Variants in SLC15A2 observed in about 807,000 individuals in gnomAD.
The protein encoded by SLC15A2 is kidney H(+)/peptide cotransporter.
A neutral mutation model predicts 95.5 loss-of-function variants in SLC15A2; 77 were observed. That is an observed-to-expected ratio of 0.81 (90% CI 0.67 to 0.97). The LOEUF (loss-of-function observed/expected upper bound fraction) is 0.97, where lower values mean the gene tolerates loss of function less well. Among genes scored for constraint, SLC15A2 ranks in the 50% least tolerant of loss-of-function variants. The probability of loss-of-function intolerance (pLI) is 0.00; values close to 1 mark genes in which losing one functional copy is unlikely to be tolerated. For synonymous variants in SLC15A2, 306 were observed against 306.9 expected, an observed-to-expected ratio of 1.00 and a Z score of 0.03; for missense variants, 893 against 874.4, an observed-to-expected ratio of 1.02 and a Z score of -0.27.
chr3:121,917,013 G>C (rs1576679565), intron 7 of SLC15A2, among the ~76,000 whole-genome samples: 1 of 152,006 alleles, frequency 6.6e-6, no homozygotes, highest in Non-Finnish European at 1.5e-5. Context: ...GTAGAGACAG[G>C]GTTTCACCGT....
At chr3:121,922,950 C>T in intron 9 of SLC15A2, 89 bp downstream of exon 9, 1 of 1,539,002 alleles carries the variant, frequency 6.5e-7, no homozygotes, top group Non-Finnish European at 9.0e-7. Context: ...TCAACCTCCT[C>T]TCTACTGTTT....
intron 19 of SLC15A2, among the ~76,000 whole-genome samples, chr3:121,938,911 AGGCTGATAACCATAGCAGGCCTG>A (rs1710404628): frequency 6.6e-6 from 1 of 152,228 alleles, no homozygotes; most frequent in Non-Finnish European, 1.5e-5. Flanking sequence ...CTTTTCTACC[AGGCTGATAACCATAGCAGGCCTG>A]GGCATAGCCT....
chr3:121,944,109 A>G lies in SLC15A2; in HGVS notation c.*3102A>G, dbSNP rs145263025. The G allele has an allele frequency of 1.4e-4, 22 of 152,322 alleles. No homozygotes were observed. In the East Asian group the frequency reaches 4.2e-3, roughly 29 times the overall value. The allele number at this position is 152,322 out of a possible 1,614,324, so 9.4% of individuals were successfully genotyped here. ...TAATCTAATGGGACCACCATCACATATTTGGTCTGTCATTGACTGAAACTG... is the reference window on the plus strand; with the variant it reads ...TAATCTAATGGGACCACCATCACATGTTTGGTCTGTCATTGACTGAAACTG... On this transcript the variant is annotated 3_prime_UTR_variant, in exon 22 of 22. Transcript: ENST00000489711.
intron 7 of SLC15A2, among the ~76,000 whole-genome samples, chr3:121,917,581 G>A (rs1253888392): frequency 6.6e-6 from 1 of 152,040 alleles, no homozygotes; most frequent in African/African-American, 2.4e-5. Context: ...CCAACTATTT[G>A]GGAGGCTGAG....
chr3:121,901,717 T>A (rs573171112), intron 3 of SLC15A2, among the ~76,000 whole-genome samples: 1 of 152,258 alleles, frequency 6.6e-6, no homozygotes, highest in South Asian at 2.1e-4. Flanking sequence ...GACTCTTCCT[T>A]TACTGTCTTT....
rs1374748593 is a variant in SLC15A2, at chr3:121,931,636, C to T, written c.1665-3C>T. The T allele has an allele frequency of 6.2e-7, 1 of 1,600,680 alleles. No homozygotes were observed. Among genetic ancestry groups the T allele is most frequent in the Admixed American group, 1.7e-5 (1 of 59,946 alleles). On this transcript the variant is annotated splice_polypyrimidine_tract_variant and splice_region_variant and intron_variant, in intron 18 of 21. Coordinates refer to ENST00000489711, the MANE Select transcript of SLC15A2 (RefSeq NM_021082.4). ...ATTCTAACCTAAATTCATCCTGTTC[C>T]AGATACCCTGCAGTGCACTGTAGAA...
At chr3:121,919,125 T>C (rs573509686) in intron 7 of SLC15A2, among the ~76,000 whole-genome samples, 1 of 152,332 alleles carries the variant, frequency 6.6e-6, no homozygotes, top group African/African-American at 2.4e-5. Flanking sequence ...TCCCAAGGTC[T>C]GAGCCCCCAG....
intron 11 of SLC15A2, 148 bp from the exon 12 acceptor site, chr3:121,924,203 C>G (rs544018402): frequency 1.5e-6 from 1 of 674,362 alleles, no homozygotes; most frequent in South Asian, 1.8e-5. Context: ...ATAATCTTAA[C>G]AGCAAAATAG....
intron 13 of SLC15A2, among the ~76,000 whole-genome samples, chr3:121,927,058 G>A (rs559220601): frequency 2.8e-4 from 43 of 152,340 alleles, no homozygotes; most frequent in African/African-American, 8.7e-4. Flanking sequence ...TTTATTTGGG[G>A]AGTCAATAAG....
At chr3:121,932,807 T>A (rs1365511049) in intron 19 of SLC15A2, among the ~76,000 whole-genome samples, 2 of 152,116 alleles carry the variant, frequency 1.3e-5, no homozygotes, top group Non-Finnish European at 2.9e-5. Flanking sequence ...CATGTGCACA[T>A]TGTGCAGGTT....
At chr3:121,908,571 G>T (rs1227055964) in intron 3 of SLC15A2, among the ~76,000 whole-genome samples, 1 of 152,092 alleles carries the variant, frequency 6.6e-6, no homozygotes, top group Non-Finnish European at 1.5e-5. Context: ...CTCTGAGTGG[G>T]TCTGTATAGT....
chr3:121,931,883 A>T (rs1710240127), intron 19 of SLC15A2, 148 bp downstream of exon 19: 2 of 584,306 alleles, frequency 3.4e-6, no homozygotes, highest in East Asian at 5.6e-5. Flanking sequence ...CAGGTTCTAC[A>T]GTGACTTTAA....
chr3:121,905,014 C>A (rs1459104287), intron 3 of SLC15A2, among the ~76,000 whole-genome samples: 1 of 152,168 alleles, frequency 6.6e-6, no homozygotes, highest in African/African-American at 2.4e-5. Context: ...TTAATTATTG[C>A]CTCAGTTTCA....
chr3:121,911,594 T>C lies in SLC15A2; in HGVS notation c.356T>C (p.Leu119Ser), dbSNP rs771590932. ...AACAGGACAATCATCTATCTCTCCTTGGTGTATGTGCTTGGCCATGTGATC... is the reference window on the plus strand; with the variant it reads ...AACAGGACAATCATCTATCTCTCCTCGGTGTATGTGCTTGGCCATGTGATC... ...GKFKTIIYLS[L>S]VYVLGHVIKS... The change falls in exon 4 of 22, where the codon TTG becomes TCG. Residue 119 changes from leucine (L) to serine (S), a missense_variant. Leu to Ser is a moderately radical substitution (Grantham distance 145). Transcript: ENST00000489711. 1.2e-6 allele frequency: 2 copies of C among 1,613,904 alleles called. No individual in the cohort carries two copies. The highest frequency in any genetic ancestry group is 1.7e-6 in the Non-Finnish European group (2 of 1,179,782).
Position 121,897,513 on chromosome 3 carries a change from T to A in SLC15A2, c.319T>A (p.Trp107Arg). 6.2e-7 allele frequency: 1 copy of A among 1,613,992 alleles called. No individual in the cohort carries two copies. The highest frequency in any genetic ancestry group is 1.1e-5 in the South Asian group (1 of 91,066). Reference protein sequence around the residue: ...PILGAAIADSWLGKFKTIIYL... With the variant: ...PILGAAIADSRLGKFKTIIYL... ...CCTGGGAGCAGCCATTGCTGACTCG[T>A]GGTTGGGAAAATTCAAGTAAGGAAG... is the stretch of plus-strand genomic sequence containing the variant. Residue 107 changes from tryptophan (W) to arginine (R), a missense_variant, in exon 3 of 22, where the codon TGG (tryptophan) becomes AGG (arginine). Coordinates refer to ENST00000489711, the MANE Select transcript of SLC15A2 (RefSeq NM_021082.4).
chr3:121,897,265 T>C, intron 2 of SLC15A2, 123 bp from the exon 3 acceptor site: 4 of 1,095,640 alleles, frequency 3.7e-6, no homozygotes, highest in Admixed American at 2.3e-5. Flanking sequence ...ATGTCACTGA[T>C]AGGAGTGCTG....
At chr3:121,924,269 C>A in intron 11 of SLC15A2, 82 bp from the exon 12 acceptor site, 2 of 1,198,062 alleles carry the variant, frequency 1.7e-6, no homozygotes, top group Non-Finnish European at 2.5e-6. Context: ...CACTTGCTAA[C>A]TAGCAAAATT....
intron 13 of SLC15A2, among the ~76,000 whole-genome samples, chr3:121,925,261 G>A (rs200345561): frequency 2.1e-5 from 1 of 47,690 alleles, no homozygotes; most frequent in African/African-American, 9.0e-5. Flanking sequence ...CTGTGTAATG[G>A]TGGTGGAGGG....
Position 121,894,517 on chromosome 3 carries a change from T to G in SLC15A2, c.41T>G (p.Phe14Cys). The change falls in exon 1 of 22, where the codon TTT (phenylalanine) becomes TGT (cysteine). Residue 14 changes from phenylalanine to cysteine, a missense_variant. Physicochemically the swap from Phe to Cys is radical, Grantham distance 205. Transcript: ENST00000489711. ...AAAAATGAGTCCAAGGAAACTCTTT[T>G]TTCACCTGTCTCCATTGAAGAGGTA... The part of the protein sequence containing the change: ...FQKNESKETL[F>C]SPVSIEEVPP... The G allele has an allele frequency of 6.2e-7, 1 of 1,613,738 alleles. No individual in the cohort carries two copies. Among genetic ancestry groups the G allele is most frequent in the Non-Finnish European group, 8.5e-7 (1 of 1,179,814 alleles).
Sources: gnomAD v4.1 joint callset for allele counts (sites outside exome capture counted in the v4.1 genomes callset) on GRCh38, gnomAD v4.1.1 for gene constraint, MANE v1.5 for transcripts, NCBI Gene and HGNC (gene_info 2026-07-23, HGNC 2026-07-21) for gene names.